PRKG1: variants seen among roughly 807,000 people sequenced by gnomAD.
The protein encoded by PRKG1 is cGMP-dependent protein kinase 1.
In PRKG1, 35 loss-of-function variants were observed where a neutral mutation model predicts 88.1. The ratio of observed to expected loss-of-function variants is 0.40; its 90% CI spans 0.30 to 0.53. PRKG1 has a LOEUF of 0.53. Ranked by LOEUF, PRKG1 falls within the 20% of genes least tolerant of loss-of-function variation. The pLI is 0.59. For synonymous variants in PRKG1, 303 were observed against 292.5 expected (o/e 1.04, Z -0.37); for missense variants, 540 against 839.8 (o/e 0.64, Z 4.41).
intron 4 of PRKG1, among the ~76,000 whole-genome samples, chr10:51,832,536 A>G (rs1419088015): frequency 1.3e-5 from 2 of 152,186 alleles, no homozygotes; most frequent in Admixed American, 6.6e-5. Context: ...TTAAAAATCT[A>G]CTCTAAGGGT....
At chr10:51,853,262 A>G (rs1431772216) in intron 4 of PRKG1, among the ~76,000 whole-genome samples, 1 of 152,164 alleles carries the variant, frequency 6.6e-6, no homozygotes, top group Non-Finnish European at 1.5e-5. Context: ...GCCAGAAACT[A>G]TTCTAAGTTG....
chr10:51,105,081 G>A (rs1844799115), intron 1 of PRKG1, among the ~76,000 whole-genome samples: 1 of 152,100 alleles, frequency 6.6e-6, no homozygotes, highest in Non-Finnish European at 1.5e-5. Flanking sequence ...GTGGTGGCCA[G>A]GCTGGTCTCG....
intron 12 of PRKG1, among the ~76,000 whole-genome samples, chr10:52,276,485 T>C (rs1023343322): frequency 2.6e-5 from 4 of 152,164 alleles, no homozygotes; most frequent in Admixed American, 1.3e-4. Flanking sequence ...TTATGACAAG[T>C]TGACTAAACA....
At chr10:51,845,896 A>G (rs970575434) in intron 4 of PRKG1, among the ~76,000 whole-genome samples, 1 of 151,974 alleles carries the variant, frequency 6.6e-6, no homozygotes, top group African/African-American at 2.4e-5. Flanking sequence ...ACTGAAAGTT[A>G]TTTACATATA....
chr10:51,659,044 A>G (rs1006936349), intron 3 of PRKG1, among the ~76,000 whole-genome samples: 2 of 152,102 alleles, frequency 1.3e-5, no homozygotes, highest in Non-Finnish European at 2.9e-5. Context: ...CTCTGTATTT[A>G]TTATGCAATT....
chr10:51,858,301 AAT>A lies in PRKG1; in HGVS notation c.699-49197_699-49196del, dbSNP rs1491408189. Among the ~76,000 whole-genome samples the A allele has an allele frequency of 2.2e-3, 34 of 15,152 alleles. 11 individuals carry two copies. The highest frequency in any genetic ancestry group is 6.1e-3 in the South Asian group (2 of 326). The allele number at this position is 15,152 out of a possible 152,430, so 9.9% of individuals were successfully genotyped here. On this transcript the variant is annotated intron_variant, in intron 4 of 17. Coordinates refer to ENST00000373980, the MANE Select transcript of PRKG1 (RefSeq NM_006258.4). ...CATATGTATAATTATACATATGTAT[AAT>A]ATATATATGTATAATATGTATTATA...
intron 1 of PRKG1, among the ~76,000 whole-genome samples, chr10:51,114,923 T>A (rs1845074547): frequency 6.6e-6 from 1 of 152,200 alleles, no homozygotes; most frequent in Non-Finnish European, 1.5e-5. Context: ...TAATGGAAAC[T>A]AAAACTTATT....
chr10:51,829,344 G>C (rs1323906064), intron 4 of PRKG1, among the ~76,000 whole-genome samples: 1 of 152,160 alleles, frequency 6.6e-6, no homozygotes, highest in Non-Finnish European at 1.5e-5. Flanking sequence ...CTCAAAGTGG[G>C]AAGGTGGCAG....
chr10:51,265,629 C>T (rs933648517), intron 2 of PRKG1, among the ~76,000 whole-genome samples: 1 of 152,046 alleles, frequency 6.6e-6, no homozygotes, highest in African/African-American at 2.4e-5. Context: ...TACATGCCTT[C>T]CTCAGAGTCT....
rs1589543788 is a variant in PRKG1 at position 52,036,567 on chromosome 10, G to A, written c.763-17917G>A. ...TTTAATGAGATGGTAACGGGTGCAT[G>A]ATTGGTCGCCAAGGAGGGAGTAGAG... is the stretch of plus-strand genomic sequence containing the variant. On this transcript the variant is annotated intron_variant, in intron 5 of 17. Coordinates refer to ENST00000373980, the MANE Select transcript of PRKG1 (RefSeq NM_006258.4). 2.0e-5 allele frequency among the ~76,000 whole-genome samples: 3 copies of A among 152,172 alleles called. No individual in the cohort carries two copies. The East Asian group carries it at 5.8e-4, about 30-fold the overall frequency.
intron 3 of PRKG1, among the ~76,000 whole-genome samples, chr10:51,632,612 T>C (rs1015955450): frequency 6.6e-6 from 1 of 152,220 alleles, no homozygotes; most frequent in African/African-American, 2.4e-5. Flanking sequence ...TGAGCTGATA[T>C]TTTCTTTCAC....
At chr10:52,021,064 C>T (rs1383128797) in intron 5 of PRKG1, among the ~76,000 whole-genome samples, 1 of 152,084 alleles carries the variant, frequency 6.6e-6, no homozygotes, top group Non-Finnish European at 1.5e-5. Context: ...TGTCTAACTA[C>T]CTGTAACAAA....
At chr10:52,229,344 C>T in intron 9 of PRKG1, among the ~76,000 whole-genome samples, 1 of 152,174 alleles carries the variant, frequency 6.6e-6, no homozygotes, top group African/African-American at 2.4e-5. Context: ...GCATGAGATA[C>T]CCATAGCTTT....
intron 1 of PRKG1, among the ~76,000 whole-genome samples, chr10:51,078,385 A>ATTTT (rs34894735): frequency 8.2e-5 from 7 of 85,740 alleles, no homozygotes; most frequent in Non-Finnish European, 1.1e-4. Flanking sequence ...ATGCCTGGCT[A>ATTTT]TTTTTTTTTT....
At chr10:51,166,760 A>G (rs994230034) in intron 2 of PRKG1, among the ~76,000 whole-genome samples, 1 of 152,164 alleles carries the variant, frequency 6.6e-6, no homozygotes, top group African/African-American at 2.4e-5. Flanking sequence ...TTACTAAACT[A>G]TGGTCTTTCC....
At chr10:52,201,533 G>A (rs1236078387) in intron 9 of PRKG1, among the ~76,000 whole-genome samples, 2 of 151,986 alleles carry the variant, frequency 1.3e-5, no homozygotes, top group Non-Finnish European at 2.9e-5. Flanking sequence ...GTAGCTACTG[G>A]GCTTTTTTTG....
chr10:52,145,315 GT>G (rs1333154757), intron 8 of PRKG1, among the ~76,000 whole-genome samples: 8 of 152,072 alleles, frequency 5.3e-5, no homozygotes, highest in African/African-American at 1.9e-4. Flanking sequence ...TCCATTGGAT[GT>G]TATAAAACTT....
intron 3 of PRKG1, among the ~76,000 whole-genome samples, chr10:51,554,879 A>G (rs1564547926): frequency 6.6e-6 from 1 of 151,992 alleles, no homozygotes. Context: ...TTTTAATATA[A>G]GGCTAGAGAT....
chr10:51,410,256 G>C (rs373376833), intron 2 of PRKG1, among the ~76,000 whole-genome samples: 2 of 140,582 alleles, frequency 1.4e-5, no homozygotes, highest in Admixed American at 7.4e-5. Flanking sequence ...GTGTGTGTGT[G>C]TGTATATATA....
Sources: allele counts gnomAD v4.1 joint callset (sites outside exome capture counted in the v4.1 genomes callset), GRCh38; gene constraint gnomAD v4.1.1; transcripts MANE v1.5; gene names NCBI Gene and HGNC (gene_info 2026-07-23, HGNC 2026-07-21).